The following KIAA1217 variants were observed in gnomAD, a reference collection of about 807,000 sequenced individuals.
KIAA1217 encodes the protein sickle tail protein homolog.
A neutral mutation model predicts 163.9 loss-of-function variants in KIAA1217; 88 were observed. The ratio of observed to expected loss-of-function variants is 0.54; its 90% confidence interval spans 0.45 to 0.64. The LOEUF is 0.64. Ranked by LOEUF, KIAA1217 falls within the 30% of genes least tolerant of loss-of-function variation. The pLI, the probability that KIAA1217 is intolerant of heterozygous loss-of-function variation, is 0.00. For synonymous variants in KIAA1217, 903 were observed against 923.1 expected, an observed-to-expected ratio of 0.98 and a Z score of 0.39; for missense variants, 2,372 against 2,475.0, an observed-to-expected ratio of 0.96 and a Z score of 0.88.
chr10:24,378,619 CA>C (rs1460760495), intron 2 of KIAA1217, among the ~76,000 whole-genome samples: 1 of 142,030 alleles, frequency 7.0e-6, no homozygotes, highest in East Asian at 2.1e-4. Flanking sequence ...AGCACTGTTC[CA>C]AAATGCTATT....
At chr10:23,718,884 G>A (rs1172723276) in intron 1 of KIAA1217, among the ~76,000 whole-genome samples, 2 of 149,974 alleles carry the variant, frequency 1.3e-5, no homozygotes, top group African/African-American at 2.5e-5. Flanking sequence ...AGAGAGAGAG[G>A]AGAAAGTGAA....
chr10:23,915,357 G>T (rs61697412), intron 1 of KIAA1217, among the ~76,000 whole-genome samples: 4 of 152,070 alleles, frequency 2.6e-5, no homozygotes, highest in Non-Finnish European at 5.9e-5. Context: ...GGAGATGTGG[G>T]GGGGAGGGAA....
chr10:24,526,742 AC>A (rs1459583861), intron 13 of KIAA1217, among the ~76,000 whole-genome samples: 1 of 152,122 alleles, frequency 6.6e-6, no homozygotes, highest in Admixed American at 6.6e-5. Flanking sequence ...AAGCCAGTGA[AC>A]AGAAGAGACA....
intron 2 of KIAA1217, among the ~76,000 whole-genome samples, chr10:24,363,329 T>C (rs1383749102): frequency 6.6e-6 from 1 of 152,122 alleles, no homozygotes; most frequent in African/African-American, 2.4e-5. Context: ...CCCTTTCCCT[T>C]CCTGCCACAT....
At chr10:24,265,014 C>T (rs1006447518) in intron 2 of KIAA1217, among the ~76,000 whole-genome samples, 3 of 152,110 alleles carry the variant, frequency 2.0e-5, no homozygotes, top group African/African-American at 4.8e-5. Flanking sequence ...CTACCCACCA[C>T]ACCCTGCTAA....
chr10:24,175,325 G>A (rs191455085), intron 2 of KIAA1217, among the ~76,000 whole-genome samples: 31 of 152,288 alleles, frequency 2.0e-4, no homozygotes, highest in African/African-American at 6.5e-4. Flanking sequence ...ACAATGTTCG[G>A]TTTTTCATTC....
chr10:24,021,312 A>G (rs1847721099), intron 2 of KIAA1217, among the ~76,000 whole-genome samples: 1 of 151,968 alleles, frequency 6.6e-6, no homozygotes, highest in Non-Finnish European at 1.5e-5. Flanking sequence ...ACCAGCAATC[A>G]ACGATTGAAA....
chr10:24,492,123 A>T (rs186229527), intron 6 of KIAA1217, among the ~76,000 whole-genome samples: 93 of 152,296 alleles, frequency 6.1e-4, no homozygotes, highest in African/African-American at 2.2e-3. Flanking sequence ...GGGGCTGAGC[A>T]TTCTTCCGAG....
At chr10:24,205,093 A>C (rs138203318), upstream of KIAA1217, among the ~76,000 whole-genome samples, 1,331 of 152,158 alleles carry the variant, frequency 8.7e-3, 25 homozygotes, top group African/African-American at 0.03. Flanking sequence ...AAAGTGAAAA[A>C]ATATTAAATA....
At chr10:24,364,649 GTGACC>G (rs1253005514) in intron 2 of KIAA1217, among the ~76,000 whole-genome samples, 1 of 152,062 alleles carries the variant, frequency 6.6e-6, no homozygotes, top group African/African-American at 2.4e-5. Context: ...CTAGGTTTCC[GTGACC>G]TTAGTTAGCA....
chr10:24,220,069 G>C (rs573870560), intron 2 of KIAA1217, among the ~76,000 whole-genome samples, 160 bp downstream of exon 2: 7 of 152,180 alleles, frequency 4.6e-5, no homozygotes, highest in African/African-American at 1.7e-4. Context: ...GGAGGAAGCC[G>C]GGTGTAGAAA....
intron 2 of KIAA1217, among the ~76,000 whole-genome samples, chr10:24,066,364 C>G (rs990183030): frequency 3.3e-5 from 5 of 152,110 alleles, no homozygotes; most frequent in African/African-American, 1.2e-4. Context: ...TCAGCATTTG[C>G]TTGTCTGTAA....
intron 2 of KIAA1217, among the ~76,000 whole-genome samples, chr10:24,271,798 C>CTT (rs2076794975): frequency 6.6e-6 from 1 of 151,828 alleles, no homozygotes; most frequent in South Asian, 2.1e-4. Flanking sequence ...ACACGCAGGC[C>CTT]TTTTAATAAA....
At chr10:24,321,320 C>T (rs1012225636) in intron 2 of KIAA1217, among the ~76,000 whole-genome samples, 7 of 152,014 alleles carry the variant, frequency 4.6e-5, no homozygotes, top group African/African-American at 1.2e-4. Context: ...TAATGGATCA[C>T]GTGAGGTCAA....
chr10:23,898,357 A>G (rs914030545), intron 1 of KIAA1217, among the ~76,000 whole-genome samples: 5 of 151,752 alleles, frequency 3.3e-5, no homozygotes, highest in African/African-American at 4.8e-5. Context: ...TACATGTACA[A>G]CCATCAAACT....
chr10:23,732,935 A>T (rs1050721936), intron 1 of KIAA1217, among the ~76,000 whole-genome samples: 3 of 152,242 alleles, frequency 2.0e-5, no homozygotes, highest in African/African-American at 7.2e-5. Context: ...CTTTGGAGAG[A>T]TACATGATGA....
intron 17 of KIAA1217, among the ~76,000 whole-genome samples, chr10:24,540,391 G>T (rs930823246): frequency 6.6e-6 from 1 of 151,986 alleles, no homozygotes; most frequent in African/African-American, 2.4e-5. Context: ...GTGCCACCAC[G>T]CCTGGCTAAT....
intron 5 of KIAA1217, chr10:24,466,719 T>C: frequency 1.0e-6 from 1 of 985,446 alleles, no homozygotes; most frequent in Non-Finnish European, 1.2e-6. Flanking sequence ...AACAAAGGAA[T>C]CATGTAATCA....
chr10:23,949,795 T>C (rs1844243796), intron 1 of KIAA1217, among the ~76,000 whole-genome samples: 1 of 152,178 alleles, frequency 6.6e-6, no homozygotes, highest in African/African-American at 2.4e-5. Context: ...TAGAACTTCT[T>C]TGTAATTAAA....
Sources: gnomAD v4.1 joint callset for allele counts (sites outside exome capture counted in the v4.1 genomes callset) on GRCh38, gnomAD v4.1.1 for gene constraint, MANE v1.5 for transcripts, NCBI Gene and HGNC (gene_info 2026-07-23, HGNC 2026-07-21) for gene names.